Variants in CFAP44 observed in about 807,000 individuals in gnomAD.
CFAP44 encodes cilia- and flagella-associated protein 44.
A neutral mutation model predicts 216.2 loss-of-function variants in CFAP44; 134 were observed. That is an observed-to-expected ratio of 0.62 (90% CI 0.54 to 0.72). The LOEUF is 0.72. Ranked by LOEUF, CFAP44 falls within the 30% of genes least tolerant of loss-of-function variation. The pLI is 0.00. For synonymous variants in CFAP44, 700 were observed against 727.6 expected (o/e 0.96, Z 0.61); for missense variants, 2,035 against 2,182.1 (o/e 0.93, Z 1.34).
At chr3:113,393,804 C>T (rs1017879493) in intron 15 of CFAP44, among the ~76,000 whole-genome samples, 9 of 152,028 alleles carry the variant, frequency 5.9e-5, no homozygotes, top group East Asian at 1.9e-4. Context: ...CGTGAGCCAC[C>T]GCGCCTGATC....
Position 113,400,449 on chromosome 3 carries a change from A to T in CFAP44, c.1474+96T>A, listed in dbSNP as rs115102436. ...TTCAAGAGGCTCCCCTTTTGGGAAA[A>T]TCCCCAAATGCTCTTAAGTCAAACA... On this transcript the variant is annotated intron_variant, in intron 12 of 34. Coordinates refer to ENST00000393845, the MANE Select transcript of CFAP44 (RefSeq NM_001164496.2). 2,095 of 1,104,600 alleles carry T rather than the reference A, an allele frequency of 1.9e-3. 33 individuals carry two copies. The African/African-American group carries it at 0.03, about 16-fold the overall frequency. 68.4% of individuals were successfully genotyped at this position (1,104,600 alleles called of 1,614,324 possible). A position where few individuals can be genotyped will look rare whatever the true frequency, so the allele number is the denominator to read the frequency against.
rs1421627843 is a variant in CFAP44 at position 113,380,999 on chromosome 3, G to A, written c.1952C>T (p.Thr651Ile). ...NGYILEAPLP[T>I]IKQEEDDHDV... ...ATGATCATCCTCTTCTTGCTTTATG[G>A]TTGGAAGTGGAGCTTCAAGAATATA... Residue 651 changes from threonine to isoleucine, a missense_variant, in exon 16 of 35, where the codon ACC becomes ATC. Transcript: ENST00000393845. The A allele has an allele frequency of 6.3e-7, 1 of 1,598,406 alleles. No individual in the cohort carries two copies. Among genetic ancestry groups the A allele is most frequent in the South Asian group, 1.1e-5 (1 of 87,924 alleles).
intron 13 of CFAP44, 64 bp from the exon 14 acceptor site, chr3:113,396,791 C>T: frequency 2.0e-6 from 3 of 1,469,488 alleles, no homozygotes; most frequent in East Asian, 4.8e-5. Flanking sequence ...TACTATATAA[C>T]AGATATTTTA....
chr3:113,313,560 T>C (rs1950060124), intron 28 of CFAP44, among the ~76,000 whole-genome samples: 1 of 152,090 alleles, frequency 6.6e-6, no homozygotes, highest in Non-Finnish European at 1.5e-5. Context: ...AATGATATGG[T>C]TTGGCTCTGT....
intron 24 of CFAP44, among the ~76,000 whole-genome samples, chr3:113,340,552 C>T (rs1450212633): frequency 1.3e-5 from 2 of 152,184 alleles, no homozygotes; most frequent in East Asian, 3.9e-4. Flanking sequence ...TTGTCCCCCT[C>T]GCAGGGTGTG....
At position 113,366,274 on chromosome 3, in the gene CFAP44, T is replaced by C. The variant is rs781745833; in HGVS notation, c.2480A>G (p.Asn827Ser). 15 of 1,609,766 alleles carry C rather than the reference T, an allele frequency of 9.3e-6. No individual in the cohort carries two copies. Among genetic ancestry groups the C allele is most frequent in the Non-Finnish European group, 1.3e-5 (15 of 1,176,922 alleles). Residue 827 changes from asparagine to serine, a missense_variant, in exon 19 of 35, where the codon AAT (asparagine) becomes AGT (serine). Asn to Ser is a conservative substitution (Grantham distance 46, BLOSUM62 1). Around this residue, in one of 3 missense-constraint regions of CFAP44, gnomAD observed 1,883 missense variants for 2,023.7 expected, o/e 0.93. Transcript: ENST00000393845. ...TAGGACATAGACTCGAATTGCTCCA[T>C]TTTTCATTCCACAAAACATCATAAC... Reference protein sequence around the residue: ...NKVMMFCGMKNGAIRVYVLNQ... With the variant: ...NKVMMFCGMKSGAIRVYVLNQ...
intron 28 of CFAP44, among the ~76,000 whole-genome samples, chr3:113,314,404 T>C (rs2107799419): frequency 6.6e-6 from 1 of 152,260 alleles, no homozygotes; most frequent in East Asian, 1.9e-4. Flanking sequence ...AGAAAAGTAG[T>C]GTCAACCTAG....
intron 28 of CFAP44, 135 bp from the exon 29 acceptor site, chr3:113,308,403 G>C (rs911226750): frequency 2.3e-5 from 16 of 706,010 alleles, no homozygotes; most frequent in South Asian, 4.5e-5. Context: ...AATGGTTAAG[G>C]ACACAAAGAA....
chr3:113,343,631 T>A lies in CFAP44; in HGVS notation c.3262+885A>T, dbSNP rs1486718489. ...CAGGAGAGAAGTGAAGAGGTCACTC[T>A]GGCAGGAGCCTGGGTGAGGAAGTGT... On this transcript the variant is annotated intron_variant, in intron 23 of 34. Coordinates refer to ENST00000393845, the MANE Select transcript of CFAP44 (RefSeq NM_001164496.2). 2.0e-5 allele frequency among the ~76,000 whole-genome samples: 3 copies of A among 152,170 alleles called. No individual in the cohort carries two copies. In the East Asian group the frequency reaches 5.8e-4, roughly 29 times the overall value.
intron 22 of CFAP44, among the ~76,000 whole-genome samples, chr3:113,355,167 T>C (rs774318701): frequency 2.0e-5 from 3 of 151,946 alleles, no homozygotes; most frequent in Non-Finnish European, 2.9e-5. Context: ...AAATCACCAC[T>C]AAAGAACTTT....
chr3:113,343,326 G>T (rs1489167540), intron 23 of CFAP44, among the ~76,000 whole-genome samples: 2 of 152,096 alleles, frequency 1.3e-5, no homozygotes, highest in African/African-American at 4.8e-5. Context: ...GCCTCCCAAA[G>T]TGCTGGGATT....
chr3:113,319,826 T>C (rs1428798752), intron 28 of CFAP44, among the ~76,000 whole-genome samples: 1 of 151,824 alleles, frequency 6.6e-6, no homozygotes, highest in Admixed American at 6.6e-5. Context: ...CTAGTTAGAT[T>C]AACAAAGAAA....
In CFAP44 at chr3:113,309,250, C is replaced by T. The variant is rs949302460; in HGVS notation, c.4517-982G>A. Reference sequence around the variant, plus strand: ...TATCTGATCAAATTCCTCATCACTCCACCTGTATTATCTTATTACCTGGCT... The same window carrying T: ...TATCTGATCAAATTCCTCATCACTCTACCTGTATTATCTTATTACCTGGCT... On this transcript the variant is annotated intron_variant, in intron 28 of 34. Coordinates refer to ENST00000393845, the MANE Select transcript of CFAP44 (RefSeq NM_001164496.2). Among the ~76,000 whole-genome samples the T allele has an allele frequency of 5.9e-5, 9 of 152,176 alleles. No individual in the cohort carries two copies. The East Asian group carries it at 9.6e-4, about 16-fold the overall frequency.
intron 5 of CFAP44, 118 bp from the exon 6 acceptor site, chr3:113,416,745 AAACTC>A: frequency 1.5e-6 from 1 of 677,394 alleles, no homozygotes; most frequent in South Asian, 2.5e-5. Context: ...CTCTAATAGA[AAACTC>A]AAAAATGGGC....
intron 32 of CFAP44, among the ~76,000 whole-genome samples, chr3:113,297,350 T>C (rs1949891538): frequency 6.6e-6 from 1 of 152,134 alleles, no homozygotes. Flanking sequence ...CGCTGCTTTC[T>C]CATGCCTCTC....
chr3:113,325,060 T>C (rs55748551), intron 28 of CFAP44, among the ~76,000 whole-genome samples: 1 of 151,856 alleles, frequency 6.6e-6, no homozygotes, highest in African/African-American at 2.4e-5. Context: ...TCCCAGCACT[T>C]TGGGAGGCTG....
chr3:113,364,332 G>T (rs546832548), intron 19 of CFAP44, among the ~76,000 whole-genome samples: 4 of 152,124 alleles, frequency 2.6e-5, no homozygotes, highest in Middle Eastern at 3.4e-3. Context: ...GTCATTTGTT[G>T]TAAGTAAATA....
intron 4 of CFAP44, among the ~76,000 whole-genome samples, chr3:113,422,061 ATGTT>A (rs1241671613): frequency 2.1e-5 from 3 of 140,176 alleles, no homozygotes; most frequent in African/African-American, 6.1e-5. Flanking sequence ...TATTGTTAGT[ATGTT>A]TAAGTCAAAA....
chr3:113,395,898 C>A, intron 14 of CFAP44, 38 bp from the exon 15 acceptor site: 1 of 1,475,386 alleles, frequency 6.8e-7, no homozygotes, highest in Non-Finnish European at 9.4e-7. Flanking sequence ...ATATATATTA[C>A]TATGAAATCT....
Sources: gnomAD v4.1 joint callset for allele counts (sites outside exome capture counted in the v4.1 genomes callset) on GRCh38, gnomAD v4.1.1 for gene constraint, gnomAD v4.1.1 regional missense constraint, MANE v1.5 for transcripts, NCBI Gene and HGNC (gene_info 2026-07-23, HGNC 2026-07-21) for gene names.